The following PDS5A variants were observed in gnomAD, a reference collection of about 807,000 sequenced individuals.
The protein encoded by PDS5A is sister chromatid cohesion protein PDS5 homolog A.
In PDS5A, 42 loss-of-function variants were observed where a neutral mutation model predicts 167.1. The observed-to-expected ratio is 0.25, with a 90% confidence interval of 0.20 to 0.33. The LOEUF (loss-of-function observed/expected upper bound fraction) is 0.33. PDS5A is among the 10% of genes least tolerant of loss of function. PDS5A has a pLI of 1.00. For missense variants in PDS5A, 1,033 were observed against 1,605.9 expected, an observed-to-expected ratio of 0.64 and a Z score of 6.10; for synonymous variants, 553 against 554.6, an observed-to-expected ratio of 1.00 and a Z score of 0.04.
At chr4:39,955,720 C>T (rs557758148) in intron 2 of PDS5A, among the ~76,000 whole-genome samples, 2 of 152,020 alleles carry the variant, frequency 1.3e-5, no homozygotes, top group East Asian at 3.9e-4. Context: ...GGGAGTGTTA[C>T]TGAGGAGTGA....
chr4:39,839,510 A>G (rs1306466289), intron 31 of PDS5A, among the ~76,000 whole-genome samples: 3 of 152,116 alleles, frequency 2.0e-5, no homozygotes, highest in African/African-American at 4.8e-5. Context: ...CGGAGGTTGC[A>G]GTAAGCCGAG....
intron 22 of PDS5A, among the ~76,000 whole-genome samples, chr4:39,867,969 T>C (rs1470342265): frequency 6.6e-6 from 1 of 152,156 alleles, no homozygotes; most frequent in African/African-American, 2.4e-5. Context: ...TTGTTACCAA[T>C]ATATGTGAAA....
intron 17 of PDS5A, among the ~76,000 whole-genome samples, chr4:39,882,991 C>T (rs1023463592): frequency 5.9e-5 from 9 of 152,026 alleles, no homozygotes; most frequent in African/African-American, 9.7e-5. Flanking sequence ...TAGTAATGGA[C>T]GCCTTGAGTG....
At chr4:39,927,137 A>G (rs1179332561) in intron 3 of PDS5A, among the ~76,000 whole-genome samples, 1 of 152,220 alleles carries the variant, frequency 6.6e-6, no homozygotes, top group Non-Finnish European at 1.5e-5. Flanking sequence ...AATTTCTTCT[A>G]CTATCGTGCT....
intron 30 of PDS5A, among the ~76,000 whole-genome samples, 161 bp downstream of exon 30, chr4:39,844,493 AAC>A (rs373017422): frequency 3.6e-4 from 52 of 144,190 alleles, no homozygotes; most frequent in South Asian, 1.5e-3. Flanking sequence ...AAAAAAAAAA[AAC>A]AAAAAAAAAC....
At chr4:39,970,442 TAAA>T (rs11345890) in intron 2 of PDS5A, among the ~76,000 whole-genome samples, 2 of 142,428 alleles carry the variant, frequency 1.4e-5, no homozygotes, top group Non-Finnish European at 1.5e-5. Flanking sequence ...CTCAAATGCT[TAAA>T]AAAAAAAAAA....
intron 17 of PDS5A, among the ~76,000 whole-genome samples, chr4:39,888,814 G>A (rs1183832205): frequency 6.6e-6 from 1 of 152,156 alleles, no homozygotes; most frequent in Non-Finnish European, 1.5e-5. Context: ...GGAATGAAGA[G>A]AGGTTAATTA....
intron 2 of PDS5A, among the ~76,000 whole-genome samples, chr4:39,970,790 CTTTTTTTTTTT>C (rs35223238): frequency 5.6e-5 from 5 of 88,496 alleles, no homozygotes; most frequent in African/African-American, 1.3e-4. Context: ...CCGCTTGTTC[CTTTTTTTTTTT>C]TTTTTTTTTT....
chr4:39,865,804 TA>T (rs1719394476), intron 23 of PDS5A, among the ~76,000 whole-genome samples: 1 of 152,182 alleles, frequency 6.6e-6, no homozygotes, highest in Non-Finnish European at 1.5e-5. Flanking sequence ...CTCAGCCTCA[TA>T]AAGAATGATT....
chr4:39,977,002 C>A lies in PDS5A; in HGVS notation c.-40-385G>T, dbSNP rs570308923. Reference sequence around the variant, plus strand: ...CCAGTCCCGCCCGGCCAGTCCCCTCCGGGAAACCAGACCCGAGGCCTATAG... The same window carrying A: ...CCAGTCCCGCCCGGCCAGTCCCCTCAGGGAAACCAGACCCGAGGCCTATAG... On this transcript the variant is annotated intron_variant, in intron 1 of 32. Coordinates refer to ENST00000303538, the MANE Select transcript of PDS5A (RefSeq NM_001100399.2). This position sits in a 1 kb window ranked among gnomAD's most constrained non-coding sequence, Gnocchi z 4.2. Among the ~76,000 whole-genome samples the A allele has an allele frequency of 1.3e-5, 2 of 152,274 alleles. No homozygotes were observed. Among genetic ancestry groups the A allele is most frequent in the Admixed American group, 6.5e-5 (1 of 15,298 alleles).
chr4:39,893,454 T>C (rs558490242), intron 16 of PDS5A, among the ~76,000 whole-genome samples: 1 of 152,274 alleles, frequency 6.6e-6, no homozygotes, highest in East Asian at 1.9e-4. Context: ...CTAACTCTCG[T>C]ATCAAGTAAT....
At chr4:39,872,597 G>A (rs941703315) in intron 21 of PDS5A, among the ~76,000 whole-genome samples, 1 of 152,108 alleles carries the variant, frequency 6.6e-6, no homozygotes, top group Non-Finnish European at 1.5e-5. Context: ...GTTGCAGTGA[G>A]CCGAGATCGT....
At chr4:39,966,591 C>T (rs1297099752) in intron 2 of PDS5A, among the ~76,000 whole-genome samples, 1 of 152,164 alleles carries the variant, frequency 6.6e-6, no homozygotes, top group Non-Finnish European at 1.5e-5. Flanking sequence ...AGCAACAAAA[C>T]AGTAGGTATT....
intron 30 of PDS5A, 67 bp from the exon 31 acceptor site, chr4:39,842,123 CA>C: frequency 2.0e-6 from 2 of 1,011,312 alleles, no homozygotes; most frequent in South Asian, 2.7e-5. Context: ...CTCACCGTAC[CA>C]ATAAAGAAAG....
rs55774291 is a variant in PDS5A at position 39,849,438 on chromosome 4, C to A, written c.3219+82G>T. On this transcript the variant is annotated intron_variant, in intron 27 of 32. Coordinates refer to ENST00000303538, the MANE Select transcript of PDS5A (RefSeq NM_001100399.2). ...TAAAATTTAAATTACTACGTATGGC[C>A]AAAAAAAAAAAAAAAAAACCAAGTG... 7.6e-3 allele frequency: 3,689 copies of A among 482,320 alleles called. 118 individuals carry two copies. In the African/African-American group the frequency reaches 0.076, roughly 10 times the overall value. The allele number at this position is 482,320 out of a possible 1,614,324, so 29.9% of individuals were successfully genotyped here. A position where few individuals can be genotyped will look rare whatever the true frequency, so the allele number is the denominator to read the frequency against.
intron 2 of PDS5A, among the ~76,000 whole-genome samples, chr4:39,954,356 T>C (rs997469370): frequency 6.6e-6 from 1 of 151,926 alleles, no homozygotes; most frequent in African/African-American, 2.4e-5. Flanking sequence ...CGAGACCCTG[T>C]CTCTTAAAAA....
At chr4:39,866,472 G>A (rs1043080014) in intron 23 of PDS5A, among the ~76,000 whole-genome samples, 2 of 152,020 alleles carry the variant, frequency 1.3e-5, no homozygotes, top group Non-Finnish European at 2.9e-5. Context: ...TTATTTAATC[G>A]CTTTAATACA....
chr4:39,910,135 G>A (rs1192540651), intron 10 of PDS5A, 109 bp downstream of exon 10: 1 of 567,328 alleles, frequency 1.8e-6, no homozygotes, highest in Non-Finnish European at 3.2e-6. Flanking sequence ...GAAAACACGA[G>A]ACCATACCAG....
chr4:39,922,851 A>C, intron 5 of PDS5A, 103 bp from the exon 6 acceptor site: 111 of 1,261,878 alleles, frequency 8.8e-5, no homozygotes, highest in South Asian at 1.0e-4. Context: ...CAACAATCTC[A>C]CATGTAAAGG....
Sources: allele counts gnomAD v4.1 joint callset (sites outside exome capture counted in the v4.1 genomes callset), GRCh38; gene constraint gnomAD v4.1.1; non-coding constraint Gnocchi (gnomAD v3.1); transcripts MANE v1.5; gene names NCBI Gene and HGNC (gene_info 2026-07-23, HGNC 2026-07-21).